Variants in NUP153 observed in about 807,000 individuals in gnomAD.
NUP153 encodes the protein nucleoporin 153.
A neutral mutation model predicts 134.6 loss-of-function variants in NUP153; 27 were observed. The ratio of observed to expected loss-of-function variants is 0.20; its 90% CI spans 0.15 to 0.28. The LOEUF is 0.28. Ranked by LOEUF, NUP153 falls within the 10% of genes least tolerant of loss-of-function variation. NUP153 has a pLI of 1.00. For synonymous variants in NUP153, 640 were observed against 623.5 expected (o/e 1.03, Z -0.40); for missense variants, 1,821 against 1,731.3 (o/e 1.05, Z -0.92).
chr6:17,642,043 G>GA (rs547238259), intron 14 of NUP153, among the ~76,000 whole-genome samples: 1 of 151,506 alleles, frequency 6.6e-6, no homozygotes, highest in East Asian at 1.9e-4. Context: ...AAGTACTTTT[G>GA]AAAAAAACCT....
In NUP153 at chr6:17,668,069, C is replaced by CTTTTTTT. The variant is rs762142682; in HGVS notation, c.1068+899_1068+905dup. On this transcript the variant is annotated intron_variant, in intron 8 of 21. Coordinates refer to ENST00000262077, the MANE Select transcript of NUP153 (RefSeq NM_005124.4). ...GCAATGAGGACTTTAGTTTACTGAA[C>CTTTTTTT]TTTTTTTTTTTTTTTTTTTTTTTTG... Among the ~76,000 whole-genome samples the CTTTTTTT allele has an allele frequency of 4.0e-4, 35 of 87,234 alleles. 4 individuals are homozygous for CTTTTTTT. The East Asian group carries it at 7.5e-3, about 19-fold the overall frequency. 57.2% of individuals were successfully genotyped at this position (87,234 alleles called of 152,430 possible). A position where few individuals can be genotyped will look rare whatever the true frequency, so the allele number is the denominator to read the frequency against.
Position 17,625,324 on chromosome 6 carries a change from C to T in NUP153, c.3901+484G>A, listed in dbSNP as rs985558793. Reference sequence around the variant, plus strand: ...GGCCGAGGCGGGCAAATCATGAGGTCAGGAATTCGAGCCTGGCCAACATGG... The same window carrying T: ...GGCCGAGGCGGGCAAATCATGAGGTTAGGAATTCGAGCCTGGCCAACATGG... On this transcript the variant is annotated intron_variant, in intron 19 of 21. Coordinates refer to ENST00000262077, the MANE Select transcript of NUP153 (RefSeq NM_005124.4). The surrounding 1 kb of genome is among the most constrained non-coding windows in gnomAD (Gnocchi z 4.7). 6.6e-6 allele frequency among the ~76,000 whole-genome samples: 1 copy of T among 152,064 alleles called. No individual in the cohort carries two copies. The highest frequency in any genetic ancestry group is 1.5e-5 in the Non-Finnish European group (1 of 67,996).
Position 17,646,174 on chromosome 6 carries a change from C to G in NUP153, c.1633-20G>C, listed in dbSNP as rs887756986. The G allele has an allele frequency of 7.6e-7, 1 of 1,316,658 alleles. No individual in the cohort carries two copies. Among genetic ancestry groups the G allele is most frequent in the South Asian group, 1.2e-5 (1 of 82,924 alleles). The allele number at this position is 1,316,658 out of a possible 1,614,324, so 81.6% of individuals were successfully genotyped here. The stretch of plus-strand genomic sequence containing the variant: ...TCCAATCTGTAAAGAGAAAGAATAT[C>G]CTTATACTTCGTTTTCAATAAGTAT... On this transcript the variant is annotated intron_variant, in intron 13 of 21. Transcript: ENST00000262077.
intron 20 of NUP153, among the ~76,000 whole-genome samples, chr6:17,618,767 C>A (rs187002202): frequency 1.3e-5 from 2 of 152,038 alleles, no homozygotes; most frequent in Admixed American, 6.6e-5. Context: ...GGGGTTTCAC[C>A]GTGTTAGCCA....
chr6:17,703,750 G>A (rs886807419), intron 1 of NUP153, among the ~76,000 whole-genome samples: 3 of 151,730 alleles, frequency 2.0e-5, no homozygotes, highest in African/African-American at 7.3e-5. Context: ...CACCTACAGT[G>A]TTGATCAAGA....
chr6:17,681,810 C>T (rs1382449276), intron 2 of NUP153, among the ~76,000 whole-genome samples: 2 of 152,004 alleles, frequency 1.3e-5, no homozygotes, highest in Non-Finnish European at 2.9e-5. Flanking sequence ...TTCTCTCATC[C>T]CTGCATCAGT....
At chr6:17,650,608 A>G (rs958530504) in intron 11 of NUP153, among the ~76,000 whole-genome samples, 2 of 151,958 alleles carry the variant, frequency 1.3e-5, no homozygotes, top group Non-Finnish European at 2.9e-5. Context: ...CAAAAGCCCA[A>G]AGCAAAATAA....
At chr6:17,652,172 A>T (rs145118618) in intron 11 of NUP153, among the ~76,000 whole-genome samples, 1 of 152,290 alleles carries the variant, frequency 6.6e-6, no homozygotes, top group East Asian at 1.9e-4. Flanking sequence ...TCCCCATGAA[A>T]AATGAATAAG....
rs776984358 is a variant in NUP153, at chr6:17,665,315, C to A, written c.1139G>T (p.Ser380Ile). ...PKPVSIATNR[S>I]VYFKPSLTPS... is the part of the protein sequence containing the mutation. ...AGTCAGAGATGGTTTAAAATAAACA[C>A]TTCGATTTGTTGCTATGGAAACTGG... Residue 380 changes from serine (S) to isoleucine (I), a missense_variant, in exon 9 of 22, where the codon AGT becomes ATT. Ser to Ile is a moderately radical substitution (Grantham distance 142, BLOSUM62 -2). Coordinates refer to ENST00000262077, the MANE Select transcript of NUP153 (RefSeq NM_005124.4). 2 of 1,613,394 alleles carry A rather than the reference C, an allele frequency of 1.2e-6. No homozygotes were observed. The highest frequency in any genetic ancestry group is 1.7e-6 in the Non-Finnish European group (2 of 1,179,440).
At chr6:17,618,283 C>T (rs571279329) in intron 20 of NUP153, among the ~76,000 whole-genome samples, 3 of 152,300 alleles carry the variant, frequency 2.0e-5, no homozygotes, top group East Asian at 3.9e-4. Context: ...ACGTGTCCTA[C>T]ACTCATAACA....
intron 11 of NUP153, among the ~76,000 whole-genome samples, chr6:17,653,952 A>AT (rs1347593472): frequency 1.3e-5 from 2 of 152,242 alleles, no homozygotes. Flanking sequence ...ATGCTGACGT[A>AT]TTTGGGGGTG....
At chr6:17,622,955 C>T (rs1024992486) in intron 20 of NUP153, among the ~76,000 whole-genome samples, 2 of 151,646 alleles carry the variant, frequency 1.3e-5, no homozygotes, top group Non-Finnish European at 2.9e-5. Flanking sequence ...ACGGTGAAAC[C>T]CCATCTCTAC....
chr6:17,691,227 G>C (rs548645165), intron 1 of NUP153, among the ~76,000 whole-genome samples: 21 of 152,282 alleles, frequency 1.4e-4, no homozygotes, highest in African/African-American at 4.3e-4. Flanking sequence ...ATTTTCAATA[G>C]ATCTACAAGT....
At chr6:17,639,429 T>C (rs1406448918) in intron 15 of NUP153, among the ~76,000 whole-genome samples, 1 of 152,158 alleles carries the variant, frequency 6.6e-6, no homozygotes, top group African/African-American at 2.4e-5. Flanking sequence ...GAACATCCTG[T>C]TTTCAAACAA....
intron 2 of NUP153, among the ~76,000 whole-genome samples, chr6:17,683,656 C>G (rs778771177): frequency 7.9e-5 from 12 of 152,124 alleles, no homozygotes; most frequent in Non-Finnish European, 1.5e-4. Context: ...TTCTTAGGAG[C>G]CCTAGGATCT....
chr6:17,701,832 C>CGGGGGGGG (rs59685451), intron 1 of NUP153, among the ~76,000 whole-genome samples: 1 of 44,420 alleles, frequency 2.3e-5, no homozygotes, highest in Non-Finnish European at 4.0e-5. Context: ...GACTCTGTCT[C>CGGGGGGGG]GGGGGGGGGG....
At chr6:17,656,755 T>C (rs1234723756) in intron 11 of NUP153, among the ~76,000 whole-genome samples, 1 of 152,144 alleles carries the variant, frequency 6.6e-6, no homozygotes, top group Non-Finnish European at 1.5e-5. Context: ...AGGAAAGGTT[T>C]AGGGGGTAGA....
Position 17,662,001 on chromosome 6 carries a change from A to C in NUP153, c.1268+17T>G. On this transcript the variant is annotated intron_variant, in intron 10 of 21. Coordinates refer to ENST00000262077, the MANE Select transcript of NUP153 (RefSeq NM_005124.4). ...GTTAAATATAAAGAAGTATAGCTGTATAAGAAATGACAGTACCTTTCTCGT... is the reference window on the plus strand; with the variant it reads ...GTTAAATATAAAGAAGTATAGCTGTCTAAGAAATGACAGTACCTTTCTCGT... The C allele has an allele frequency of 5.1e-6, 8 of 1,562,820 alleles. No homozygotes were observed. The highest frequency in any genetic ancestry group is 7.0e-6 in the Non-Finnish European group (8 of 1,135,398).
At chr6:17,682,071 A>G (rs1483880387) in intron 2 of NUP153, among the ~76,000 whole-genome samples, 1 of 152,100 alleles carries the variant, frequency 6.6e-6, no homozygotes, top group Non-Finnish European at 1.5e-5. Context: ...ATAGCTAGGC[A>G]TGGCAGCACG....
Sources: gnomAD v4.1 joint callset for allele counts (sites outside exome capture counted in the v4.1 genomes callset) on GRCh38, gnomAD v4.1.1 for gene constraint, Gnocchi (gnomAD v3.1) non-coding constraint, MANE v1.5 for transcripts, NCBI Gene and HGNC (gene_info 2026-07-23, HGNC 2026-07-21) for gene names.